Variants in CSMD3 observed in about 807,000 individuals in gnomAD.
CSMD3 encodes the protein CUB and Sushi multiple domains 3.
CSMD3 carries 177 observed loss-of-function variants against 435.2 expected under a neutral mutation model. The ratio of observed to expected loss-of-function variants is 0.41; its 90% confidence interval spans 0.36 to 0.46. The LOEUF (loss-of-function observed/expected upper bound fraction) is 0.46. Ranked by LOEUF, CSMD3 falls within the 20% of genes least tolerant of loss-of-function variation. The pLI is 0.34. For synonymous variants in CSMD3, 1,656 were observed against 1,520.5 expected (o/e 1.09, Z -2.07); for missense variants, 4,265 against 4,504.6 (o/e 0.95, Z 1.52).
At chr8:113,359,886 T>C (rs1213289359) in intron 1 of CSMD3, among the ~76,000 whole-genome samples, 1 of 152,182 alleles carries the variant, frequency 6.6e-6, no homozygotes, top group Non-Finnish European at 1.5e-5. Context: ...CTTAAAATTT[T>C]GAAATCAAAC....
At chr8:112,709,816 G>T (rs552292461) in intron 13 of CSMD3, among the ~76,000 whole-genome samples, 3 of 152,152 alleles carry the variant, frequency 2.0e-5, no homozygotes, top group Admixed American at 2.0e-4. Context: ...TAGGGTTAGG[G>T]TTAGTGTTAG....
rs540727821 is a variant in CSMD3, at chr8:112,320,963, G to A, written c.7166-982C>T. 3.3e-5 allele frequency among the ~76,000 whole-genome samples: 5 copies of A among 152,136 alleles called. No homozygotes were observed. In the East Asian group the frequency reaches 9.7e-4, roughly 29 times the overall value. ...TCTCATTGGATTAGATTGGCATTTG[G>A]CATAATTGAAAGGCCACCACGACAA... On this transcript the variant is annotated intron_variant, in intron 45 of 70. Transcript: ENST00000297405.
intron 5 of CSMD3, among the ~76,000 whole-genome samples, chr8:113,039,666 G>A (rs1235975081): frequency 1.3e-5 from 2 of 152,064 alleles, no homozygotes; most frequent in Non-Finnish European, 2.9e-5. Context: ...GTGAGAGTAA[G>A]GAGTAGTAAA....
rs1486424056 is a variant in CSMD3 at position 112,689,951 on chromosome 8, T to G, written c.2072A>C (p.Gln691Pro). Residue 691 changes from glutamine (Q) to proline (P), a missense_variant, in exon 14 of 71, where the codon CAG becomes CCG. Coordinates refer to ENST00000297405, the MANE Select transcript of CSMD3 (RefSeq NM_198123.2). ...CTCTCCAATTAATTCAAACCCAAAC[T>G]GGCATTCAAACCTTAAAACATCACG... is the stretch of plus-strand genomic sequence containing the variant. ...SNRDVLRFECQFGFELIGEKS... is the reference protein window; with the variant it reads ...SNRDVLRFECPFGFELIGEKS... The G allele has an allele frequency of 3.7e-6, 6 of 1,613,212 alleles. No homozygotes were observed. Among genetic ancestry groups the G allele is most frequent in the East Asian group, 2.2e-5 (1 of 44,814 alleles).
At chr8:113,235,042 A>C (rs541188735) in intron 3 of CSMD3, among the ~76,000 whole-genome samples, 1 of 152,084 alleles carries the variant, frequency 6.6e-6, no homozygotes, top group Non-Finnish European at 1.5e-5. Context: ...GATGTTTTTC[A>C]TGGGAGGTGC....
chr8:112,330,970 C>A lies in CSMD3; in HGVS notation c.7165+4359G>T, dbSNP rs201378039. Among the ~76,000 whole-genome samples the A allele has an allele frequency of 2.0e-5, 3 of 151,892 alleles. No homozygotes were observed. In the East Asian group the frequency reaches 5.8e-4, roughly 29 times the overall value. ...CAGCCAGCCCTTCTACTTATTAGTT[C>A]TCTGGCTTTATGTAGGTTATCCGGT... is the stretch of plus-strand genomic sequence containing the variant. On this transcript the variant is annotated intron_variant, in intron 45 of 70. Transcript: ENST00000297405.
At chr8:113,092,640 T>A (rs186958162) in intron 5 of CSMD3, among the ~76,000 whole-genome samples, 1 of 152,090 alleles carries the variant, frequency 6.6e-6, no homozygotes, top group African/African-American at 2.4e-5. Flanking sequence ...CCATTTGGGT[T>A]TTCCTTTTCC....
chr8:112,909,657 G>T (rs911538360), intron 10 of CSMD3, among the ~76,000 whole-genome samples: 1 of 151,572 alleles, frequency 6.6e-6, no homozygotes, highest in South Asian at 2.1e-4. Context: ...TTATTTCCTT[G>T]GAATAAATAA....
intron 10 of CSMD3, among the ~76,000 whole-genome samples, chr8:112,902,810 T>C (rs1384225606): frequency 1.3e-5 from 2 of 151,342 alleles, no homozygotes; most frequent in African/African-American, 4.8e-5. Flanking sequence ...AAAAATGGGT[T>C]GATAGTCAAA....
chr8:112,272,574 AATT>A (rs1817625808), intron 59 of CSMD3, among the ~76,000 whole-genome samples: 1 of 152,108 alleles, frequency 6.6e-6, no homozygotes, highest in South Asian at 2.1e-4. Flanking sequence ...ATATAGATGA[AATT>A]ATTGTTTAGT....
chr8:113,013,380 C>G (rs1312807489), intron 6 of CSMD3, among the ~76,000 whole-genome samples: 5 of 152,026 alleles, frequency 3.3e-5, no homozygotes, highest in South Asian at 4.1e-4. Flanking sequence ...GCTTTCTCAT[C>G]TGTTCCATAT....
intron 11 of CSMD3, among the ~76,000 whole-genome samples, chr8:112,852,764 T>C (rs2080529449): frequency 6.6e-6 from 1 of 151,806 alleles, no homozygotes; most frequent in Non-Finnish European, 1.5e-5. Flanking sequence ...CTACTAAAAA[T>C]ACAAAAAATT....
At chr8:113,396,278 T>C (rs1235802620) in intron 1 of CSMD3, among the ~76,000 whole-genome samples, 1 of 152,202 alleles carries the variant, frequency 6.6e-6, no homozygotes, top group Non-Finnish European at 1.5e-5. Context: ...ACATGAGAAC[T>C]GTGGATAATA....
Position 112,611,111 on chromosome 8 carries a change from C to T in CSMD3, c.3716-23876G>A, listed in dbSNP as rs749940856. Among the ~76,000 whole-genome samples, 43 of 152,232 alleles carry T rather than the reference C, an allele frequency of 2.8e-4. 1 individual carries two copies. The highest frequency in any genetic ancestry group is 8.3e-4 in the South Asian group (4 of 4,822). On this transcript the variant is annotated intron_variant, in intron 22 of 70. Transcript: ENST00000297405. ...AGAGGAAACAAAATCAGTATGTGAA[C>T]AATTCTTCATTATGACAAATTTTAG...
chr8:113,424,092 T>C (rs75883711), intron 1 of CSMD3, among the ~76,000 whole-genome samples: 2,745 of 151,886 alleles, frequency 0.018, 95 homozygotes, highest in African/African-American at 0.06. Context: ...GAGGTACTTT[T>C]GTAGTTCTGA....
chr8:112,586,003 A>C (rs1203552127), intron 23 of CSMD3, among the ~76,000 whole-genome samples: 1 of 151,678 alleles, frequency 6.6e-6, no homozygotes, highest in Non-Finnish European at 1.5e-5. Flanking sequence ...GAAAATAAGA[A>C]TGCATATATT....
intron 31 of CSMD3, among the ~76,000 whole-genome samples, chr8:112,480,832 A>G (rs548664672): frequency 7.9e-5 from 12 of 152,142 alleles, no homozygotes; most frequent in Non-Finnish European, 1.2e-4. Flanking sequence ...AAACAGACAA[A>G]TACACATGCT....
At chr8:112,557,884 T>A (rs1828265178) in intron 24 of CSMD3, among the ~76,000 whole-genome samples, 1 of 151,928 alleles carries the variant, frequency 6.6e-6, no homozygotes, top group African/African-American at 2.4e-5. Flanking sequence ...AAACCCCAAT[T>A]TATAGCTCGT....
intron 5 of CSMD3, among the ~76,000 whole-genome samples, chr8:113,067,944 G>A (rs552157717): frequency 6.6e-6 from 1 of 152,198 alleles, no homozygotes; most frequent in South Asian, 2.1e-4. Flanking sequence ...CTGGTGGTTT[G>A]AAACATAATT....
Sources: allele counts gnomAD v4.1 joint callset (sites outside exome capture counted in the v4.1 genomes callset), GRCh38; gene constraint gnomAD v4.1.1; transcripts MANE v1.5; gene names NCBI Gene and HGNC (gene_info 2026-07-23, HGNC 2026-07-21).